The following CALB1 variants were observed in gnomAD, a reference collection of about 807,000 sequenced individuals.
The protein encoded by CALB1 is calbindin 1.
Under a neutral mutation model 46.7 loss-of-function variants are expected in CALB1, and 16 were observed. That is an observed-to-expected ratio of 0.34 (90% CI 0.23 to 0.52). The LOEUF is 0.52. Among genes scored for constraint, CALB1 ranks in the 20% least tolerant of loss-of-function variants. The pLI, the probability that CALB1 is intolerant of heterozygous loss-of-function variation, is 0.95. For missense variants in CALB1, 224 were observed against 300.3 expected (o/e 0.75, Z 1.88); for synonymous variants, 90 against 112.8 (o/e 0.80, Z 1.28).
chr8:90,082,107 A>G lies in CALB1; in HGVS notation c.80-5T>C. Reference sequence around the variant, plus strand: ...TTCCTTCCAGGTAACCACTTCCTGCAAAGACAAAGAGGCACCCAGGTGTCA... The same window carrying G: ...TTCCTTCCAGGTAACCACTTCCTGCGAAGACAAAGAGGCACCCAGGTGTCA... On this transcript the variant is annotated splice_polypyrimidine_tract_variant and splice_region_variant and intron_variant, in intron 1 of 10. Coordinates refer to ENST00000265431, the MANE Select transcript of CALB1 (RefSeq NM_004929.4). The G allele has an allele frequency of 6.2e-7, 1 of 1,613,226 alleles. No individual in the cohort carries two copies. The highest frequency in any genetic ancestry group is 8.5e-7 in the Non-Finnish European group (1 of 1,179,342).
intron 3 of CALB1, among the ~76,000 whole-genome samples, chr8:90,077,290 G>A (rs1467236062): frequency 6.6e-6 from 1 of 151,892 alleles, no homozygotes; most frequent in African/African-American, 2.4e-5. Flanking sequence ...GATAATAATA[G>A]TATGTCCTCT....
intron 3 of CALB1, among the ~76,000 whole-genome samples, chr8:90,070,484 A>T (rs1814492166): frequency 6.6e-6 from 1 of 152,158 alleles, no homozygotes; most frequent in African/African-American, 2.4e-5. Flanking sequence ...TTTAATATTT[A>T]ATATAAAATG....
Position 90,068,897 on chromosome 8 carries a change from C to T in CALB1, c.372+101G>A. The T allele has an allele frequency of 6.5e-6, 5 of 773,784 alleles. No individual in the cohort carries two copies. In the South Asian group the frequency reaches 7.2e-5, roughly 11 times the overall value. 47.9% of individuals were successfully genotyped at this position (773,784 alleles called of 1,614,324 possible). A position where few individuals can be genotyped will look rare whatever the true frequency, so the allele number is the denominator to read the frequency against. On this transcript the variant is annotated intron_variant, in intron 5 of 10. Transcript: ENST00000265431. The stretch of plus-strand genomic sequence containing the variant: ...TAGGTGAAAATGTGACACTGTTCAA[C>T]ATTAGTTTCTTTTGTGGGAGGTTTT...
At chr8:90,072,402 C>T (rs1814541681) in intron 3 of CALB1, among the ~76,000 whole-genome samples, 2 of 152,202 alleles carry the variant, frequency 1.3e-5, no homozygotes, top group African/African-American at 4.8e-5. Context: ...ATACAGATTA[C>T]ATCAATGTGC....
intron 3 of CALB1, 103 bp from the exon 4 acceptor site, chr8:90,069,340 G>A: frequency 1.2e-6 from 1 of 847,782 alleles, no homozygotes; most frequent in Non-Finnish European, 2.0e-6. Flanking sequence ...TCCCTCACAG[G>A]CTAGAAAAGT....
intron 5 of CALB1, among the ~76,000 whole-genome samples, chr8:90,068,267 G>A (rs1814435705): frequency 6.6e-6 from 1 of 152,200 alleles, no homozygotes; most frequent in Admixed American, 6.5e-5. Context: ...GAAAGATATA[G>A]TAATTAATGA....
At chr8:90,078,255 C>G in intron 3 of CALB1, 118 bp downstream of exon 3, 1 of 625,964 alleles carries the variant, frequency 1.6e-6, no homozygotes, top group Non-Finnish European at 2.8e-6. Context: ...TAATGTATTA[C>G]TTAGGTAAAA....
intron 8 of CALB1, 43 bp from the exon 9 acceptor site, chr8:90,063,196 T>A: frequency 6.6e-7 from 1 of 1,512,682 alleles, no homozygotes; most frequent in South Asian, 1.1e-5. Flanking sequence ...GTTATTACTA[T>A]GTTTCAGTAT....
At chr8:90,060,906 C>A in intron 9 of CALB1, 1 of 548,410 alleles carries the variant, frequency 1.8e-6, no homozygotes, top group Non-Finnish European at 3.2e-6. Flanking sequence ...CAACACCTTA[C>A]ATTTGTAAAA....
chr8:90,068,228 AC>A (rs1814435307), intron 5 of CALB1, among the ~76,000 whole-genome samples: 1 of 152,224 alleles, frequency 6.6e-6, no homozygotes, highest in South Asian at 2.1e-4. Context: ...AGGATTTATT[AC>A]ACTCATTTTA....
chr8:90,077,689 C>T (rs1209726355), intron 3 of CALB1, among the ~76,000 whole-genome samples: 6 of 152,024 alleles, frequency 3.9e-5, no homozygotes, highest in Admixed American at 3.9e-4. Context: ...ATCAGTTTTG[C>T]TTCCTTGATT....
rs1814263189 is a variant in CALB1 at position 90,059,933 on chromosome 8, A to T, written c.*240T>A. The T allele has an allele frequency of 2.7e-6, 1 of 370,978 alleles. No homozygotes were observed. Among genetic ancestry groups the T allele is most frequent in the Admixed American group, 4.4e-5 (1 of 22,978 alleles). The allele number at this position is 370,978 out of a possible 1,614,324, so 23.0% of individuals were successfully genotyped here. On this transcript the variant is annotated 3_prime_UTR_variant, in exon 11 of 11. Transcript: ENST00000265431. ...GAAAGCAAGAATATGTTATTTTTTAAAATTGGGTGTACTGACTGGCCTAAG... is the reference window on the plus strand; with the variant it reads ...GAAAGCAAGAATATGTTATTTTTTATAATTGGGTGTACTGACTGGCCTAAG...
At chr8:90,071,909 G>T (rs1023871983) in intron 3 of CALB1, among the ~76,000 whole-genome samples, 1 of 152,110 alleles carries the variant, frequency 6.6e-6, no homozygotes, top group Non-Finnish European at 1.5e-5. Context: ...TTTCAAGAGG[G>T]CAGGGAATAA....
chr8:90,063,263 T>C lies in CALB1; in HGVS notation c.546+18A>G, dbSNP rs1204107464. 1 of 1,578,498 alleles carries C rather than the reference T, an allele frequency of 6.3e-7. No individual in the cohort carries two copies. Among genetic ancestry groups the C allele is most frequent in the Non-Finnish European group, 8.7e-7 (1 of 1,149,632 alleles). ...TTTTCAAGGAAAATATTATTTAAGG[T>C]AGTAAAAAGTTAAGTACCTGGAATT... On this transcript the variant is annotated intron_variant, in intron 8 of 10. Transcript: ENST00000265431.
At chr8:90,061,533 G>T (rs960732580) in intron 9 of CALB1, 4 of 152,072 alleles carry the variant, frequency 2.6e-5, no homozygotes, top group African/African-American at 9.7e-5. Context: ...CCATAAAGTT[G>T]TAGGATGCAA....
At chr8:90,077,592 G>A (rs1814644021) in intron 3 of CALB1, among the ~76,000 whole-genome samples, 1 of 151,988 alleles carries the variant, frequency 6.6e-6, no homozygotes. Flanking sequence ...TAAAGAAAGA[G>A]GCTAAGACAC....
chr8:90,065,006 CTAATA>C (rs1814366432), intron 6 of CALB1, among the ~76,000 whole-genome samples: 1 of 151,758 alleles, frequency 6.6e-6, no homozygotes, highest in Non-Finnish European at 1.5e-5. Flanking sequence ...CTTCTTCAAT[CTAATA>C]TAACAGTAGC....
intron 3 of CALB1, among the ~76,000 whole-genome samples, chr8:90,076,525 A>G (rs1180833480): frequency 1.3e-5 from 2 of 152,032 alleles, no homozygotes; most frequent in Non-Finnish European, 2.9e-5. Flanking sequence ...CACTTTGTCA[A>G]TTTTATTTTA....
intron 5 of CALB1, 31 bp from the exon 6 acceptor site, chr8:90,066,006 T>G: frequency 1.5e-6 from 2 of 1,319,562 alleles, no homozygotes; most frequent in Non-Finnish European, 2.2e-6. Flanking sequence ...TAGATTAATT[T>G]CATTAATAAT....
Sources: gnomAD v4.1 joint callset for allele counts (sites outside exome capture counted in the v4.1 genomes callset) on GRCh38, gnomAD v4.1.1 for gene constraint, MANE v1.5 for transcripts, NCBI Gene and HGNC (gene_info 2026-07-23, HGNC 2026-07-21) for gene names.